The following PIEZO1 variants were observed in gnomAD, a reference collection of about 807,000 sequenced individuals.
The protein encoded by PIEZO1 is piezo-type mechanosensitive ion channel component 1.
In PIEZO1, 296 loss-of-function variants were observed where a neutral mutation model predicts 297.2. That is an observed-to-expected ratio of 1.00 (90% CI 0.91 to 1.10). The LOEUF is 1.10. Among genes scored for constraint, PIEZO1 ranks in the 50% least tolerant of loss-of-function variants. The pLI, the probability that PIEZO1 is intolerant of heterozygous loss-of-function variation, is 0.00. For synonymous variants in PIEZO1, 2,427 were observed against 1,507.5 expected, an observed-to-expected ratio of 1.61 and a Z score of -14.13; for missense variants, 5,018 against 3,455.5, an observed-to-expected ratio of 1.45 and a Z score of -11.34.
chr16:88,772,993 TG>T (rs1331801886), intron 1 of PIEZO1, among the ~76,000 whole-genome samples: 1 of 152,154 alleles, frequency 6.6e-6, no homozygotes, highest in African/African-American at 2.4e-5. Context: ...CAGGGGTGCC[TG>T]GAAGACTGTG....
chr16:88,724,398 G>T (rs891543538), intron 30 of PIEZO1, among the ~76,000 whole-genome samples: 3 of 152,140 alleles, frequency 2.0e-5, no homozygotes, highest in Non-Finnish European at 4.4e-5. Context: ...GGGCGTGGTG[G>T]CGGGCACCTG....
intron 1 of PIEZO1, among the ~76,000 whole-genome samples, chr16:88,757,119 C>G (rs1021278830): frequency 6.6e-6 from 1 of 152,086 alleles, no homozygotes; most frequent in Non-Finnish European, 1.5e-5. Context: ...CACTGGCCCT[C>G]GGTCCCTGGG....
Position 88,735,040 on chromosome 16 carries a change from C to A in PIEZO1, c.1683G>T (p.Thr561=), listed in dbSNP as rs374886774. The A allele has an allele frequency of 9.7e-6, 15 of 1,550,400 alleles. No homozygotes were observed. In the South Asian group the frequency reaches 1.5e-4, roughly 16 times the overall value. ...CCCCCAGGCTCTGCAACAGCGTCTG[C>A]GTCCGCGTGGGCTCTGTGGGCCAAG... is the stretch of plus-strand genomic sequence containing the variant. The part of the protein sequence containing the change: ...VTVADTEPTR[T]QTLLQSLGEL... Residue 561 remains threonine (T), a synonymous_variant, in exon 14 of 51, where the codon ACG becomes ACT. Transcript: ENST00000301015.
chr16:88,733,338 A>G lies in PIEZO1; in HGVS notation c.2604T>C (p.Cys868=), dbSNP rs1450172810. Reference sequence around the variant, plus strand: ...CAACCTTGAGCTGGTACAGCATCTTACACACGATGATGACGCAGGTCCACA... The same window carrying G: ...CAACCTTGAGCTGGTACAGCATCTTGCACACGATGATGACGCAGGTCCACA... ...STVWTCVIIV[C]KMLYQLKVVN... Residue 868 remains cysteine (C), a synonymous_variant, in exon 19 of 51, where the codon TGT becomes TGC. Coordinates refer to ENST00000301015, the MANE Select transcript of PIEZO1 (RefSeq NM_001142864.4). 1.3e-6 allele frequency: 2 copies of G among 1,550,144 alleles called. No individual in the cohort carries two copies. Among genetic ancestry groups the G allele is most frequent in the East Asian group, 2.4e-5 (1 of 40,914 alleles).
intron 1 of PIEZO1, among the ~76,000 whole-genome samples, chr16:88,761,593 TC>T (rs1906935485): frequency 6.6e-6 from 1 of 152,108 alleles, no homozygotes; most frequent in African/African-American, 2.4e-5. Flanking sequence ...CAGCATCCCA[TC>T]CCCATCTTCA....
chr16:88,738,467 T>C (rs1274901846), intron 6 of PIEZO1, 27 bp from the exon 7 acceptor site: 3 of 1,532,540 alleles, frequency 2.0e-6, no homozygotes, highest in Admixed American at 2.0e-5. Flanking sequence ...CACAGGGTGG[T>C]ACCTGGCCAG....
At chr16:88,769,024 G>C (rs1353244573) in intron 1 of PIEZO1, among the ~76,000 whole-genome samples, 1 of 152,242 alleles carries the variant, frequency 6.6e-6, no homozygotes, top group East Asian at 1.9e-4. Flanking sequence ...GGACACAGCA[G>C]CACCCGCGCC....
Position 88,720,098 on chromosome 16 carries a change from C to T in PIEZO1, c.6135G>A (p.Met2045Ile). The change falls in exon 42 of 51, where the codon ATG (methionine) becomes ATA (isoleucine). Residue 2045 changes from methionine to isoleucine, a missense_variant. Coordinates refer to ENST00000301015, the MANE Select transcript of PIEZO1 (RefSeq NM_001142864.4). ...CAGTGACGGCGGGCAGGATGAAGAA[C>T]ATCCATAGGTGGATGGCCAGCACCA... ...VALVLAIHLW[M>I]FFILPAVTER... is the part of the protein sequence containing the mutation. 1 of 1,550,388 alleles carries T rather than the reference C, an allele frequency of 6.4e-7. No individual in the cohort carries two copies. Among genetic ancestry groups the T allele is most frequent in the Non-Finnish European group, 8.7e-7 (1 of 1,146,994 alleles).
At position 88,785,184 on chromosome 16, in the gene PIEZO1, G is replaced by A. The variant is rs1908129402; in HGVS notation, c.-220C>T. On this transcript the variant is annotated 5_prime_UTR_variant, in exon 1 of 51. Transcript: ENST00000301015. ...GCCCCTCGGCGGAGCGCAGCGCTCG[G>A]CTCACTGGGGCCGAGCTGGGCCGGA... The A allele has an allele frequency of 3.8e-6, 1 of 264,660 alleles. No individual in the cohort carries two copies. Among genetic ancestry groups the A allele is most frequent in the Non-Finnish European group, 7.0e-6 (1 of 142,894 alleles). 16.4% of individuals were successfully genotyped at this position (264,660 alleles called of 1,614,324 possible). A position where few individuals can be genotyped will look rare whatever the true frequency, so the allele number is the denominator to read the frequency against.
chr16:88,721,907 G>C lies in PIEZO1; in HGVS notation c.5115C>G (p.Ala1705=). Residue 1705 remains alanine, a synonymous_variant, in exon 37 of 51, where the codon GCC becomes GCG. Transcript: ENST00000301015. ...CGAGCACGGGCAGCACCAGCGAGCCGGCGGAGGCCGTGACCATGTGGTTGA... is the reference window on the plus strand; with the variant it reads ...CGAGCACGGGCAGCACCAGCGAGCCCGCGGAGGCCGTGACCATGTGGTTGA... ...IILNHMVTAS[A]GSLVLPVLVF... 2 of 1,550,162 alleles carry C rather than the reference G, an allele frequency of 1.3e-6. No individual in the cohort carries two copies. The highest frequency in any genetic ancestry group is 2.4e-5 in the East Asian group (1 of 40,912).
At position 88,731,917 on chromosome 16, in the gene PIEZO1, A is replaced by ACGGGAGAGGGCGGGGCGT; in HGVS notation, c.2992-8_2992-7insACGCCCCGCCCTCTCCCG. 1 of 222,144 alleles carries ACGGGAGAGGGCGGGGCGT rather than the reference A, an allele frequency of 4.5e-6. No individual in the cohort carries two copies. Among genetic ancestry groups the ACGGGAGAGGGCGGGGCGT allele is most frequent in the Non-Finnish European group, 6.2e-6 (1 of 161,992 alleles). 13.8% of individuals were successfully genotyped at this position (222,144 alleles called of 1,614,324 possible). ...CGGCCATCAGGAAGCAGATCTGGGG[A>ACGGGAGAGGGCGGGGCGT]GGGGAGAGGGCGGGGTGTGGGGATG... On this transcript the variant is annotated splice_region_variant and splice_polypyrimidine_tract_variant and intron_variant, in intron 21 of 50. Coordinates refer to ENST00000301015, the MANE Select transcript of PIEZO1 (RefSeq NM_001142864.4).
Position 88,735,229 on chromosome 16 carries a change from G to A in PIEZO1, c.1575C>T (p.Thr525=), listed in dbSNP as rs1422591771. ...DLGAMLLYTL[T]FWLLLRQFVK... The stretch of plus-strand genomic sequence containing the variant: ...CAAACTGGCGCAGCAGGAGCCAGAA[G>A]GTCAGGGTGTAGAGCAACTGTGACA... Residue 525 remains threonine, a synonymous_variant, in exon 13 of 51, where the codon ACC becomes ACT. Transcript: ENST00000301015. 5 of 1,550,204 alleles carry A rather than the reference G, an allele frequency of 3.2e-6. No homozygotes were observed. Among genetic ancestry groups the A allele is most frequent in the East Asian group, 2.4e-5 (1 of 40,910 alleles).
rs778223284 is a variant in PIEZO1 at position 88,741,585 on chromosome 16, G to T, written c.358C>A (p.Arg120=). ...LDLKDIPNAI[R]LVAPDLGILV... ...ATGCCCAGGTCAGGGGCCACCAGCC[G>T]GATGGCGTTGGGGATGTCCTTCAGG... The change falls in exon 5 of 51, where the codon CGG becomes AGG. Residue 120 remains arginine, a synonymous_variant. Transcript: ENST00000301015. 5 of 1,535,282 alleles carry T rather than the reference G, an allele frequency of 3.3e-6. No homozygotes were observed. In the African/African-American group the frequency reaches 4.1e-5, roughly 13 times the overall value.
chr16:88,779,951 G>C (rs745972275), intron 1 of PIEZO1, among the ~76,000 whole-genome samples: 1 of 152,232 alleles, frequency 6.6e-6, no homozygotes. Context: ...CTGGGTGTGA[G>C]ATCCAAAGCC....
In PIEZO1 at chr16:88,734,519, C is replaced by G; in HGVS notation, c.2017G>C (p.Glu673Gln). 6.5e-7 allele frequency: 1 copy of G among 1,544,410 alleles called. No individual in the cohort carries two copies. Among genetic ancestry groups the G allele is most frequent in the Non-Finnish European group, 8.7e-7 (1 of 1,143,574 alleles). ...AAGAGCTCGGACACGCTGAACTGCT[C>G]CAGGCCCAGGTCCCCCAGCCTGTGG... is the stretch of plus-strand genomic sequence containing the variant. ...TDEQLGDLGL[E>Q]QFSVSELFSS... Residue 673 changes from glutamate (E) to glutamine (Q), a missense_variant, in exon 16 of 51, where the codon GAG becomes CAG. Physicochemically the swap from Glu to Gln is conservative, Grantham distance 29 (BLOSUM62 2). Transcript: ENST00000301015.
intron 21 of PIEZO1, 52 bp from the exon 22 acceptor site, chr16:88,731,962 G>GGGGGGGGGGGGGATGC: frequency 8.4e-6 from 1 of 118,602 alleles, no homozygotes; most frequent in South Asian, 9.2e-5. Context: ...TGGGGGGAGG[G>GGGGGGGGGGGGGATGC]ACTTTCTTGT....
intron 1 of PIEZO1, among the ~76,000 whole-genome samples, chr16:88,767,633 C>T (rs995604993): frequency 1.3e-5 from 2 of 152,180 alleles, no homozygotes; most frequent in African/African-American, 4.8e-5. Context: ...GAGCCCATGT[C>T]ATCCTCAGCC....
At chr16:88,776,747 G>A (rs1907683967) in intron 1 of PIEZO1, among the ~76,000 whole-genome samples, 1 of 152,224 alleles carries the variant, frequency 6.6e-6, no homozygotes, top group South Asian at 2.1e-4. Flanking sequence ...TGTGGGGCTG[G>A]ACCCTGGCTC....
At chr16:88,727,927 T>A (rs566597464) in intron 22 of PIEZO1, 1 of 313,488 alleles carries the variant, frequency 3.2e-6, no homozygotes, top group Admixed American at 4.9e-5. Flanking sequence ...TGGGCCTGAG[T>A]TGTGGCCCAC....
Sources: allele counts gnomAD v4.1 joint callset (sites outside exome capture counted in the v4.1 genomes callset), GRCh38; gene constraint gnomAD v4.1.1; transcripts MANE v1.5; gene names NCBI Gene and HGNC (gene_info 2026-07-23, HGNC 2026-07-21).